Variants in PRKG1 observed in about 807,000 individuals in gnomAD.
PRKG1 encodes the protein cGMP-dependent protein kinase 1.
In PRKG1, 35 loss-of-function variants were observed where a neutral mutation model predicts 88.1. The observed-to-expected ratio is 0.40, with a 90% confidence interval of 0.30 to 0.53. PRKG1 has a LOEUF of 0.53. Among genes scored for constraint, PRKG1 ranks in the 20% least tolerant of loss-of-function variants. The pLI is 0.59. For synonymous variants in PRKG1, 303 were observed against 292.5 expected, an observed-to-expected ratio of 1.04 and a Z score of -0.37; for missense variants, 540 against 839.8, an observed-to-expected ratio of 0.64 and a Z score of 4.41.
At chr10:51,883,948 T>C (rs185681055) in intron 4 of PRKG1, among the ~76,000 whole-genome samples, 97 of 148,090 alleles carry the variant, frequency 6.6e-4, no homozygotes, top group African/African-American at 2.4e-3. Flanking sequence ...ACTTTTCAGA[T>C]GAAAATCCAT....
chr10:52,224,482 A>C (rs955999136), intron 9 of PRKG1, among the ~76,000 whole-genome samples: 1 of 151,506 alleles, frequency 6.6e-6, no homozygotes, highest in African/African-American at 2.4e-5. Flanking sequence ...ACTGAGGTTC[A>C]GGTGGTATTT....
At chr10:52,284,011 G>A (rs910269199) in intron 14 of PRKG1, among the ~76,000 whole-genome samples, 9 of 151,708 alleles carry the variant, frequency 5.9e-5, no homozygotes, top group Non-Finnish European at 1.2e-4. Flanking sequence ...TAAGTAATAA[G>A]GTGAAAATGA....
At chr10:51,521,203 G>T (rs894961683) in intron 3 of PRKG1, among the ~76,000 whole-genome samples, 2 of 152,130 alleles carry the variant, frequency 1.3e-5, no homozygotes, top group Admixed American at 6.5e-5. Context: ...CAGGAGAATC[G>T]CTTGAACCCA....
intron 5 of PRKG1, among the ~76,000 whole-genome samples, chr10:52,016,718 C>G (rs910549738): frequency 3.3e-5 from 5 of 151,714 alleles, no homozygotes; most frequent in Non-Finnish European, 5.9e-5. Context: ...GAGGATGCAA[C>G]AGTGAAAAAA....
chr10:52,274,361 G>T (rs1172697026), intron 12 of PRKG1, among the ~76,000 whole-genome samples: 3 of 151,364 alleles, frequency 2.0e-5, no homozygotes, highest in African/African-American at 7.3e-5. Flanking sequence ...ACATATCAGT[G>T]AGAACATGTG....
At chr10:52,122,879 T>C (rs989247689) in intron 7 of PRKG1, among the ~76,000 whole-genome samples, 14 of 152,200 alleles carry the variant, frequency 9.2e-5, no homozygotes, top group Non-Finnish European at 1.9e-4. Context: ...ATGTGGAATA[T>C]GGAAGATGTA....
intron 7 of PRKG1, among the ~76,000 whole-genome samples, chr10:52,073,778 C>T (rs893909764): frequency 6.6e-6 from 1 of 152,038 alleles, no homozygotes; most frequent in Admixed American, 6.6e-5. Flanking sequence ...ACTTTGATGT[C>T]AAGGAACTCA....
chr10:51,183,568 T>G (rs1425314956), intron 2 of PRKG1, among the ~76,000 whole-genome samples: 1 of 152,112 alleles, frequency 6.6e-6, no homozygotes, highest in East Asian at 1.9e-4. Context: ...ATTTTATAAA[T>G]GAGTAAATTT....
chr10:51,809,543 G>A (rs1839397757), intron 4 of PRKG1, among the ~76,000 whole-genome samples: 1 of 152,328 alleles, frequency 6.6e-6, no homozygotes, highest in East Asian at 1.9e-4. Context: ...GTATGTAGCT[G>A]TGTGACCATT....
chr10:52,090,401 C>A (rs1419720113), intron 7 of PRKG1, among the ~76,000 whole-genome samples: 1 of 151,888 alleles, frequency 6.6e-6, no homozygotes, highest in Non-Finnish European at 1.5e-5. Context: ...TAAGTCCCTA[C>A]AGATACAAGT....
At chr10:51,090,785 C>A (rs1844380686) in intron 1 of PRKG1, among the ~76,000 whole-genome samples, 1 of 152,012 alleles carries the variant, frequency 6.6e-6, no homozygotes. Context: ...TTTTAAAGAC[C>A]CACTGCTTTA....
At chr10:51,584,433 G>A (rs1838121660) in intron 3 of PRKG1, among the ~76,000 whole-genome samples, 1 of 151,982 alleles carries the variant, frequency 6.6e-6, no homozygotes, top group Non-Finnish European at 1.5e-5. Flanking sequence ...TTAAGATTCT[G>A]CAAAGTGTAA....
In PRKG1 at chr10:52,296,454, A is replaced by G. The variant is rs1216196558; in HGVS notation, c.*2554A>G. 1 of 152,068 alleles carries G rather than the reference A, an allele frequency of 6.6e-6. No individual in the cohort carries two copies. The highest frequency in any genetic ancestry group is 2.4e-5 in the African/African-American group (1 of 41,444). 9.4% of individuals were successfully genotyped at this position (152,068 alleles called of 1,614,324 possible). On this transcript the variant is annotated 3_prime_UTR_variant, in exon 18 of 18. Transcript: ENST00000373980. ...ATGTACCAACAGAAAACATTCGTCT[A>G]ATTTTGTCAACATTGAATTTTTAGG...
At chr10:51,663,702 CAAAAAAAAAA>C (rs56804341) in intron 3 of PRKG1, among the ~76,000 whole-genome samples, 3 of 72,718 alleles carry the variant, frequency 4.1e-5, no homozygotes, top group Non-Finnish European at 5.6e-5. Context: ...GACCCTGTCT[CAAAAAAAAAA>C]AAAAAAAAAA....
At chr10:51,253,996 A>G (rs997683444) in intron 2 of PRKG1, among the ~76,000 whole-genome samples, 1 of 152,012 alleles carries the variant, frequency 6.6e-6, no homozygotes, top group Non-Finnish European at 1.5e-5. Flanking sequence ...ATCATTATGG[A>G]TAAATTTGAG....
At chr10:51,557,228 ATGC>A (rs1215214792) in intron 3 of PRKG1, among the ~76,000 whole-genome samples, 9 of 152,046 alleles carry the variant, frequency 5.9e-5, no homozygotes, top group Non-Finnish European at 8.8e-5. Flanking sequence ...AGATTAAGAA[ATGC>A]TGCTGGGTTA....
At chr10:52,169,963 G>T (rs1013232515) in intron 9 of PRKG1, among the ~76,000 whole-genome samples, 1 of 152,126 alleles carries the variant, frequency 6.6e-6, no homozygotes, top group African/African-American at 2.4e-5. Context: ...CATCTCCACG[G>T]ATAAGGTTTA....
At chr10:51,182,122 C>G (rs1376775511) in intron 2 of PRKG1, among the ~76,000 whole-genome samples, 1 of 152,142 alleles carries the variant, frequency 6.6e-6, no homozygotes, top group African/African-American at 2.4e-5. Context: ...TGACATACCT[C>G]TGGTATATAA....
intron 3 of PRKG1, among the ~76,000 whole-genome samples, chr10:51,715,299 T>G (rs1242868737): frequency 6.6e-6 from 1 of 152,204 alleles, no homozygotes; most frequent in Non-Finnish European, 1.5e-5. Context: ...AATTTACAAA[T>G]TATGCAAGAT....
Sources: allele counts gnomAD v4.1 joint callset (sites outside exome capture counted in the v4.1 genomes callset), GRCh38; gene constraint gnomAD v4.1.1; transcripts MANE v1.5; gene names NCBI Gene and HGNC (gene_info 2026-07-23, HGNC 2026-07-21).